Variants in LOC128462377 observed in about 807,000 individuals in gnomAD.
chr16:89,366,999 C>T, the LOC128462377 span, among the ~76,000 whole-genome samples: 2 of 152,244 alleles, frequency 1.3e-5, no homozygotes, highest in Non-Finnish European at 2.9e-5. Context: ...TTGCCAGCCC[C>T]TGGCCTGGAG....
the LOC128462377 span, among the ~76,000 whole-genome samples, chr16:89,391,735 T>C: frequency 2.6e-5 from 4 of 152,198 alleles, no homozygotes; most frequent in Admixed American, 2.6e-4. Flanking sequence ...TTGTAAGAAG[T>C]AAAGCAGAGG....
the LOC128462377 span, among the ~76,000 whole-genome samples, chr16:89,328,403 A>G: frequency 6.6e-6 from 1 of 152,252 alleles, no homozygotes; most frequent in Admixed American, 6.5e-5. Context: ...GAATGTTCAC[A>G]GAACTTTCAC....
chr16:89,326,593 T>C, the LOC128462377 span, among the ~76,000 whole-genome samples: 1 of 151,890 alleles, frequency 6.6e-6, no homozygotes, highest in Non-Finnish European at 1.5e-5. Flanking sequence ...TATCAAAAAA[T>C]TAATCAGTCG....
At chr16:89,317,818 C>T in the LOC128462377 span, among the ~76,000 whole-genome samples, 2 of 152,212 alleles carry the variant, frequency 1.3e-5, no homozygotes, top group East Asian at 1.9e-4. Context: ...AAGTTTCTGG[C>T]CAGGGAGAGA....
the LOC128462377 span, among the ~76,000 whole-genome samples, chr16:89,386,447 A>G: frequency 6.6e-6 from 1 of 152,158 alleles, no homozygotes; most frequent in East Asian, 1.9e-4. Context: ...GGTCCCTAGC[A>G]AGAGGCCCTC....
At chr16:89,391,024 C>A in the LOC128462377 span, among the ~76,000 whole-genome samples, 3 of 151,654 alleles carry the variant, frequency 2.0e-5, no homozygotes, top group Non-Finnish European at 2.9e-5. Flanking sequence ...GTCAGGAGAT[C>A]GAGACCATCC....
chr16:89,375,870 G>C, the LOC128462377 span, among the ~76,000 whole-genome samples: 1 of 150,922 alleles, frequency 6.6e-6, no homozygotes, highest in African/African-American at 2.4e-5. Flanking sequence ...CCCACACAAA[G>C]TGCCACTAGC....
the LOC128462377 span, among the ~76,000 whole-genome samples, chr16:89,371,789 G>A: frequency 1.6e-4 from 24 of 152,272 alleles, no homozygotes; most frequent in Non-Finnish European, 3.5e-4. Flanking sequence ...TCTCCATCAA[G>A]GCCACGCCCT....
the LOC128462377 span, among the ~76,000 whole-genome samples, chr16:89,334,332 A>G: frequency 6.6e-6 from 1 of 151,864 alleles, no homozygotes; most frequent in African/African-American, 2.4e-5. Context: ...AAGTTTCTGA[A>G]GTTGGTGACA....
the LOC128462377 span, among the ~76,000 whole-genome samples, chr16:89,394,889 G>A: frequency 1.0e-3 from 154 of 152,226 alleles, no homozygotes; most frequent in Non-Finnish European, 1.0e-3. Flanking sequence ...TAGCACTGTT[G>A]GAAAGCCTAA....
chr16:89,320,930 C>A, the LOC128462377 span, among the ~76,000 whole-genome samples: 1 of 152,210 alleles, frequency 6.6e-6, no homozygotes, highest in East Asian at 1.9e-4. Context: ...GCAGGACAGA[C>A]GTGACAGGAA....
the LOC128462377 span, among the ~76,000 whole-genome samples, chr16:89,361,242 C>T: frequency 6.6e-6 from 1 of 152,224 alleles, no homozygotes. Context: ...TTCTTCCTCC[C>T]GCAGAGGGCC....
chr16:89,336,824 T>A, the LOC128462377 span, among the ~76,000 whole-genome samples: 2 of 151,936 alleles, frequency 1.3e-5, no homozygotes, highest in Non-Finnish European at 2.9e-5. Flanking sequence ...GGAATGTCTT[T>A]CCATTAGAAA....
chr16:89,389,608 T>A, the LOC128462377 span, among the ~76,000 whole-genome samples: 1 of 151,718 alleles, frequency 6.6e-6, no homozygotes, highest in Non-Finnish European at 1.5e-5. Context: ...TCACACTGGG[T>A]GGGATTCACA....
chr16:89,365,858 C>A, the LOC128462377 span, among the ~76,000 whole-genome samples: 3 of 152,104 alleles, frequency 2.0e-5, no homozygotes, highest in Admixed American at 6.5e-5. Flanking sequence ...CCTCTCCCTC[C>A]TCCACCCCCA....
chr16:89,413,875 G>C, the LOC128462377 span, among the ~76,000 whole-genome samples: 1 of 152,098 alleles, frequency 6.6e-6, no homozygotes, highest in Non-Finnish European at 1.5e-5. Context: ...AGGCCAGACT[G>C]GGGGGAGGCA....
chr16:89,415,687 G>A, the LOC128462377 span, among the ~76,000 whole-genome samples: 1 of 151,304 alleles, frequency 6.6e-6, no homozygotes, highest in African/African-American at 2.4e-5. Flanking sequence ...AATCAGCTGG[G>A]TGTGGTGGTG....
At chr16:89,366,325 A>C in the LOC128462377 span, among the ~76,000 whole-genome samples, 5 of 152,070 alleles carry the variant, frequency 3.3e-5, no homozygotes, top group Admixed American at 2.6e-4. Flanking sequence ...AATGGTTTCT[A>C]TTCCTCTGGG....
the LOC128462377 span, chr16:89,392,546 G>C: frequency 2.0e-5 from 3 of 152,040 alleles, no homozygotes; most frequent in Admixed American, 6.5e-5. Context: ...GCCACGCTGA[G>C]ATGCTCCAGG....
Sources: gnomAD v4.1 joint callset for allele counts (sites outside exome capture counted in the v4.1 genomes callset) on GRCh38, gnomAD v4.1.1 for gene constraint, MANE v1.5 for transcripts.